The following HOXA3 variants were observed in gnomAD, a reference collection of about 807,000 sequenced individuals.
HOXA3 encodes the protein homeobox A3.
A neutral mutation model predicts 30.3 loss-of-function variants in HOXA3; 8 were observed. The observed-to-expected ratio is 0.26, with a 90% confidence interval of 0.15 to 0.48. The LOEUF is 0.48. Ranked by LOEUF, HOXA3 falls within the 20% of genes least tolerant of loss-of-function variation. The pLI is 0.99. For missense variants in HOXA3, 653 were observed against 614.4 expected (o/e 1.06, Z -0.66); for synonymous variants, 323 against 273.1 (o/e 1.18, Z -1.80).
At chr7:27,130,687 T>C (rs1785516811) in intron 2 of HOXA3, 1 of 1,608,676 alleles carries the variant, frequency 6.2e-7, no homozygotes, top group Non-Finnish European at 8.5e-7. Flanking sequence ...GGGAGGGAAC[T>C]TGGGCTCGAT....
intron 1 of HOXA3, chr7:27,150,660 C>A (rs1165646075): frequency 6.6e-6 from 1 of 152,536 alleles, no homozygotes; most frequent in South Asian, 2.1e-4. Flanking sequence ...AACCAGCGTG[C>A]GCCCCCAGAA....
Position 27,143,180 on chromosome 7 carries a change from A to G in HOXA3, c.-493-2994T>C, listed in dbSNP as rs756590217. 2.5e-5 allele frequency: 41 copies of G among 1,610,502 alleles called. No homozygotes were observed. The highest frequency in any genetic ancestry group is 1.9e-4 in the Middle Eastern group (1 of 5,276). ...CTCCTCGGCTCCGGACGCCGTGCCA[A>G]CCCCCTCTCTGCTGCTGATGTGGGT... On this transcript the variant is annotated intron_variant, in intron 1 of 5. Transcript: ENST00000612286.
rs1012706774 is a variant in HOXA3 at position 27,113,372 on chromosome 7, C to G, written c.-120-2612G>C. On this transcript the variant is annotated intron_variant, in intron 4 of 5. Transcript: ENST00000612286. The surrounding 1 kb of genome is among the most constrained non-coding windows in gnomAD (Gnocchi z 4.8). ...GAGCGGGTTCGTCGGATAGGAGCCC[C>G]GAGTCCCCTGCCCACCTCTCCTTCC... is the stretch of plus-strand genomic sequence containing the variant. 6.6e-6 allele frequency among the ~76,000 whole-genome samples: 1 copy of G among 152,142 alleles called. No homozygotes were observed. Among genetic ancestry groups the G allele is most frequent in the African/African-American group, 2.4e-5 (1 of 41,430 alleles).
At chr7:27,142,111 G>C (rs755713376) in intron 1 of HOXA3, 1 of 1,604,072 alleles carries the variant, frequency 6.2e-7, no homozygotes, top group Non-Finnish European at 8.5e-7. Flanking sequence ...CAGCGGTTTA[G>C]CCACCAACTC....
At chr7:27,129,523 T>C in intron 2 of HOXA3, 2 of 1,614,044 alleles carry the variant, frequency 1.2e-6, no homozygotes, top group Non-Finnish European at 1.7e-6. Flanking sequence ...CTGCCGGGTG[T>C]AGGCGGTTCG....
At chr7:27,129,360 C>T (rs1224109080) in intron 2 of HOXA3, 2 of 1,614,126 alleles carry the variant, frequency 1.2e-6, no homozygotes, top group Admixed American at 1.7e-5. Flanking sequence ...TGGTGTTGGG[C>T]AGTTTGTGGT....
At chr7:27,139,577 G>T (rs1195359505) in intron 2 of HOXA3, among the ~76,000 whole-genome samples, 4 of 152,190 alleles carry the variant, frequency 2.6e-5, no homozygotes, top group African/African-American at 9.7e-5. Flanking sequence ...AAGGAATCCC[G>T]CCAGAGTCCG....
At chr7:27,114,476 C>T (rs970171965) in intron 4 of HOXA3, among the ~76,000 whole-genome samples, 5 of 151,762 alleles carry the variant, frequency 3.3e-5, no homozygotes, top group Non-Finnish European at 5.9e-5. Flanking sequence ...TAAGGCTTTT[C>T]TCTAGAGACC....
At chr7:27,126,587 A>G (rs142711169) in intron 3 of HOXA3, among the ~76,000 whole-genome samples, 64 of 152,350 alleles carry the variant, frequency 4.2e-4, no homozygotes, top group Middle Eastern at 3.4e-3. Flanking sequence ...TTAAAGGCCA[A>G]TTTGAAGCAG....
chr7:27,135,959 C>A (rs886889243), intron 2 of HOXA3, among the ~76,000 whole-genome samples: 1 of 152,214 alleles, frequency 6.6e-6, no homozygotes, highest in Non-Finnish European at 1.5e-5. Flanking sequence ...AATTTTCTAT[C>A]CTTTCCTCCG....
intron 4 of HOXA3, chr7:27,120,958 C>T (rs1270130006): frequency 6.6e-6 from 1 of 152,206 alleles, no homozygotes; most frequent in Non-Finnish European, 1.5e-5. Flanking sequence ...CGGCCTCCAA[C>T]TTGGCCTGCG....
At chr7:27,129,162 G>T in intron 2 of HOXA3, 1 of 993,920 alleles carries the variant, frequency 1.0e-6, no homozygotes, top group Non-Finnish European at 1.6e-6. Context: ...GATGAGGAAC[G>T]GAGCAGGAGA....
intron 2 of HOXA3, among the ~76,000 whole-genome samples, chr7:27,127,746 G>C (rs927588616): frequency 6.6e-6 from 1 of 152,112 alleles, no homozygotes; most frequent in African/African-American, 2.4e-5. Flanking sequence ...CTCTGGAATC[G>C]AGCAGAAAAT....
chr7:27,144,465 A>G (rs1782684052), intron 1 of HOXA3, among the ~76,000 whole-genome samples: 1 of 152,146 alleles, frequency 6.6e-6, no homozygotes, highest in Non-Finnish European at 1.5e-5. Flanking sequence ...TTTCGTGTGA[A>G]TATGGTTTTC....
At chr7:27,142,133 A>C (rs962807174) in intron 1 of HOXA3, 3 of 1,588,268 alleles carry the variant, frequency 1.9e-6, no homozygotes, top group Admixed American at 3.5e-5. Context: ...TGTCTTCCAA[A>C]GTCCGCCAGG....
chr7:27,130,602 C>T, intron 2 of HOXA3: 1 of 1,537,998 alleles, frequency 6.5e-7, no homozygotes, highest in Non-Finnish European at 8.8e-7. Context: ...GCGCTGGGGG[C>T]TGCTGGTAGC....
chr7:27,114,036 C>G, intron 4 of HOXA3: 1 of 102,596 alleles, frequency 9.7e-6, no homozygotes, highest in Admixed American at 8.6e-5. Context: ...GCGTCTGGTC[C>G]GGGGGTGCGG....
intron 4 of HOXA3, among the ~76,000 whole-genome samples, chr7:27,118,553 A>G (rs1234288175): frequency 6.6e-6 from 1 of 152,242 alleles, no homozygotes; most frequent in African/African-American, 2.4e-5. Context: ...TCTAAGCAAT[A>G]GGATGCTTGG....
chr7:27,147,575 G>A (rs1168270217), intron 1 of HOXA3: 1 of 1,614,130 alleles, frequency 6.2e-7, no homozygotes, highest in Non-Finnish European at 8.5e-7. Context: ...TTGGACTGTT[G>A]GTAGAAACAA....
Sources: gnomAD v4.1 joint callset for allele counts (sites outside exome capture counted in the v4.1 genomes callset) on GRCh38, gnomAD v4.1.1 for gene constraint, Gnocchi (gnomAD v3.1) non-coding constraint, MANE v1.5 for transcripts, NCBI Gene and HGNC (gene_info 2026-07-23, HGNC 2026-07-21) for gene names.